Variants in CNTN4 observed in about 807,000 individuals in gnomAD.
CNTN4 encodes contactin-4.
Under a neutral mutation model 122.5 loss-of-function variants are expected in CNTN4, and 77 were observed. The ratio of observed to expected loss-of-function variants is 0.63; its 90% CI spans 0.52 to 0.76. The LOEUF (loss-of-function observed/expected upper bound fraction) is 0.76. Ranked by LOEUF, CNTN4 falls within the 30% of genes least tolerant of loss-of-function variation. The pLI, the probability that CNTN4 is intolerant of heterozygous loss-of-function variation, is 0.00. For synonymous variants in CNTN4, 512 were observed against 447.0 expected, an observed-to-expected ratio of 1.15 and a Z score of -1.83; for missense variants, 1,256 against 1,259.1, an observed-to-expected ratio of 1.00 and a Z score of 0.04.
chr3:2,639,888 A>G (rs1039023883), intron 4 of CNTN4, among the ~76,000 whole-genome samples: 5 of 152,218 alleles, frequency 3.3e-5, no homozygotes, highest in Non-Finnish European at 7.3e-5. Context: ...TTTTTGTAAT[A>G]GCTTAAGGAA....
intron 14 of CNTN4, chr3:3,008,891 C>G (rs1464146423): frequency 1.0e-6 from 1 of 957,038 alleles, no homozygotes; most frequent in African/African-American, 1.8e-5. Flanking sequence ...CCTCGGCATT[C>G]TAGGGCAAAC....
intron 2 of CNTN4, among the ~76,000 whole-genome samples, chr3:2,273,220 C>A (rs771292071): frequency 1.8e-4 from 28 of 152,238 alleles, no homozygotes; most frequent in Middle Eastern, 3.4e-3. Flanking sequence ...CAAGATTATT[C>A]CATGACCATT....
chr3:2,667,587 T>G (rs767271126), intron 4 of CNTN4, among the ~76,000 whole-genome samples: 11 of 151,676 alleles, frequency 7.3e-5, no homozygotes, highest in Non-Finnish European at 1.6e-4. Flanking sequence ...CAGAAGCTCT[T>G]TAGTTTAATT....
intron 5 of CNTN4, among the ~76,000 whole-genome samples, chr3:2,738,491 G>T (rs2089272965): frequency 6.6e-6 from 1 of 152,170 alleles, no homozygotes. Flanking sequence ...CATACTTGAG[G>T]TGGAAGAGAA....
At chr3:2,418,180 A>G (rs1378108680) in intron 3 of CNTN4, among the ~76,000 whole-genome samples, 1 of 152,186 alleles carries the variant, frequency 6.6e-6, no homozygotes, top group Non-Finnish European at 1.5e-5. Flanking sequence ...CACTGATGAT[A>G]ATAAATATAC....
intron 3 of CNTN4, among the ~76,000 whole-genome samples, chr3:2,426,643 TGG>T (rs1474088352): frequency 1.3e-5 from 2 of 152,224 alleles, no homozygotes; most frequent in Non-Finnish European, 2.9e-5. Context: ...TCAGAAGGAA[TGG>T]TACCAGCCCC....
At chr3:2,696,637 C>G (rs2086049241) in intron 4 of CNTN4, among the ~76,000 whole-genome samples, 2 of 152,110 alleles carry the variant, frequency 1.3e-5, no homozygotes, top group African/African-American at 4.8e-5. Flanking sequence ...ATGACCCAGT[C>G]TTAGGTCTTA....
intron 6 of CNTN4, among the ~76,000 whole-genome samples, chr3:2,777,078 T>C (rs559398833): frequency 1.6e-4 from 25 of 152,310 alleles, no homozygotes; most frequent in African/African-American, 6.0e-4. Flanking sequence ...CCTCCCAGGT[T>C]CAGGCAATTC....
At chr3:2,405,496 C>T (rs993042940) in intron 3 of CNTN4, among the ~76,000 whole-genome samples, 1 of 151,976 alleles carries the variant, frequency 6.6e-6, no homozygotes, top group African/African-American at 2.4e-5. Context: ...CCCCAATGAC[C>T]AAAGCTGCAA....
At chr3:2,688,131 A>T (rs1477014300) in intron 4 of CNTN4, among the ~76,000 whole-genome samples, 5 of 152,244 alleles carry the variant, frequency 3.3e-5, no homozygotes, top group Non-Finnish European at 5.9e-5. Context: ...TAAAATATGA[A>T]AATACAGTAT....
rs142121712 is a variant in CNTN4, at chr3:2,690,578, CTTT to C, written c.56-45636_56-45634del. Among the ~76,000 whole-genome samples the C allele has an allele frequency of 1.6e-3, 249 of 152,198 alleles. 3 individuals are homozygous for C. Among genetic ancestry groups the C allele is most frequent in the East Asian group, 0.01 (53 of 5,176 alleles). ...CCTTTACCATCCTTAACAATATCCT[CTTT>C]ATTTATGGGGAAGGGTCATTATCCA... On this transcript the variant is annotated intron_variant, in intron 4 of 24. Transcript: ENST00000418658.
intron 3 of CNTN4, among the ~76,000 whole-genome samples, chr3:2,448,465 G>C (rs2048705815): frequency 6.6e-6 from 1 of 152,196 alleles, no homozygotes; most frequent in South Asian, 2.1e-4. Flanking sequence ...TCAAATGCAA[G>C]TGGTGAAAAC....
intron 3 of CNTN4, among the ~76,000 whole-genome samples, chr3:2,425,736 A>G (rs944467366): frequency 2.6e-5 from 4 of 151,884 alleles, no homozygotes; most frequent in African/African-American, 9.7e-5. Flanking sequence ...GTCCTCTTTT[A>G]TTTCATTGAG....
At chr3:2,885,485 A>T (rs967689705) in intron 9 of CNTN4, among the ~76,000 whole-genome samples, 1 of 152,246 alleles carries the variant, frequency 6.6e-6, no homozygotes, top group Admixed American at 6.5e-5. Context: ...CATGTTGTCC[A>T]AAAGAATGTA....
At chr3:2,736,554 C>T (rs2089111258) in intron 5 of CNTN4, among the ~76,000 whole-genome samples, 1 of 151,620 alleles carries the variant, frequency 6.6e-6, no homozygotes, top group Non-Finnish European at 1.5e-5. Context: ...ACCTCCGCCT[C>T]CCAGGTTCAA....
intron 2 of CNTN4, among the ~76,000 whole-genome samples, chr3:2,226,336 C>T (rs2039283256): frequency 6.6e-6 from 1 of 152,076 alleles, no homozygotes; most frequent in African/African-American, 2.4e-5. Flanking sequence ...AGAATCTTAT[C>T]ATGTTTATTG....
intron 4 of CNTN4, among the ~76,000 whole-genome samples, chr3:2,667,474 G>A (rs1430960116): frequency 1.3e-5 from 2 of 152,092 alleles, no homozygotes; most frequent in African/African-American, 4.8e-5. Flanking sequence ...TGAGTTCCTT[G>A]TAGATTCTGG....
At chr3:2,945,718 T>G (rs1016501694) in intron 13 of CNTN4, among the ~76,000 whole-genome samples, 3 of 152,208 alleles carry the variant, frequency 2.0e-5, no homozygotes, top group African/African-American at 7.2e-5. Flanking sequence ...TGACTTTTTA[T>G]GCAAGAGGGT....
intron 2 of CNTN4, among the ~76,000 whole-genome samples, chr3:2,276,847 C>G (rs1043272003): frequency 1.3e-5 from 2 of 151,938 alleles, no homozygotes; most frequent in African/African-American, 4.8e-5. Flanking sequence ...ACCTGGGAGG[C>G]AAAGGTTGCA....
Sources: allele counts gnomAD v4.1 joint callset (sites outside exome capture counted in the v4.1 genomes callset), GRCh38; gene constraint gnomAD v4.1.1; transcripts MANE v1.5; gene names NCBI Gene and HGNC (gene_info 2026-07-23, HGNC 2026-07-21).